Variants in TP63 observed in about 807,000 individuals in gnomAD.
TP63 encodes the protein tumor protein p63.
Under a neutral mutation model 82.8 loss-of-function variants are expected in TP63, and 17 were observed. The observed-to-expected ratio is 0.21, with a 90% CI of 0.14 to 0.31. The LOEUF (loss-of-function observed/expected upper bound fraction) is 0.31. Among genes scored for constraint, TP63 ranks in the 10% least tolerant of loss-of-function variants. The probability of loss-of-function intolerance (pLI) is 1.00; values close to 1 mark genes in which losing one functional copy is unlikely to be tolerated. For synonymous variants in TP63, 330 were observed against 321.7 expected, an observed-to-expected ratio of 1.03 and a Z score of -0.28; for missense variants, 648 against 895.3, an observed-to-expected ratio of 0.72 and a Z score of 3.52.
At chr3:189,726,160 A>G (rs892784355) in intron 1 of TP63, among the ~76,000 whole-genome samples, 1 of 152,106 alleles carries the variant, frequency 6.6e-6, no homozygotes, top group Admixed American at 6.5e-5. Flanking sequence ...ATAAACACGT[A>G]TCTTGTTCCT....
chr3:189,802,566 G>T (rs1004252412), intron 3 of TP63, among the ~76,000 whole-genome samples: 1 of 152,184 alleles, frequency 6.6e-6, no homozygotes, highest in Non-Finnish European at 1.5e-5. Flanking sequence ...ACAGACTTTG[G>T]ATTATGGTAA....
At chr3:189,724,264 A>T (rs1020260861) in intron 1 of TP63, among the ~76,000 whole-genome samples, 4 of 152,128 alleles carry the variant, frequency 2.6e-5, no homozygotes, top group African/African-American at 9.7e-5. Context: ...CTATAGTGTT[A>T]AAGTTTCCCT....
chr3:189,660,542 C>A (rs1294351616), intron 1 of TP63, among the ~76,000 whole-genome samples: 1 of 151,986 alleles, frequency 6.6e-6, no homozygotes, highest in African/African-American at 2.4e-5. Context: ...TTTGAATTTT[C>A]AGGCTCTTTT....
chr3:189,756,375 A>G (rs1332108055), intron 3 of TP63, among the ~76,000 whole-genome samples: 2 of 152,212 alleles, frequency 1.3e-5, no homozygotes, highest in Non-Finnish European at 2.9e-5. Flanking sequence ...CGGTGTCCCC[A>G]TAAGAGCAGA....
intron 3 of TP63, among the ~76,000 whole-genome samples, chr3:189,771,327 T>TATATAATATATTATATATTA (rs1553835381): frequency 7.6e-6 from 1 of 131,722 alleles, no homozygotes; most frequent in African/African-American, 3.2e-5. Context: ...TATATATTTA[T>TATATAATATATTATATATTA]ATATAATATA....
intron 11 of TP63, among the ~76,000 whole-genome samples, chr3:189,888,531 G>A (rs1431793666): frequency 1.3e-5 from 2 of 152,198 alleles, no homozygotes; most frequent in African/African-American, 4.8e-5. Flanking sequence ...TAGTTAGCTA[G>A]TTAGTGGCAA....
intron 4 of TP63, among the ~76,000 whole-genome samples, chr3:189,850,728 A>G (rs1451959501): frequency 6.6e-6 from 1 of 152,166 alleles, no homozygotes; most frequent in Non-Finnish European, 1.5e-5. Flanking sequence ...AAAGTATAAT[A>G]ATAATAAAAA....
intron 3 of TP63, among the ~76,000 whole-genome samples, chr3:189,807,013 G>A (rs940144137): frequency 1.3e-5 from 2 of 152,190 alleles, no homozygotes; most frequent in South Asian, 2.1e-4. Context: ...CATTTCAACT[G>A]AAGAGCTAGG....
intron 4 of TP63, among the ~76,000 whole-genome samples, chr3:189,814,855 C>T (rs114423791): frequency 0.016 from 2,428 of 152,304 alleles, 29 homozygotes; most frequent in Non-Finnish European, 0.025. Flanking sequence ...ATCAGCCTCC[C>T]ATACTATTTT....
intron 4 of TP63, among the ~76,000 whole-genome samples, chr3:189,823,105 C>T (rs1728965429): frequency 6.6e-6 from 1 of 152,150 alleles, no homozygotes; most frequent in Non-Finnish European, 1.5e-5. Context: ...CTTTTCTATG[C>T]CAGACCATTG....
At chr3:189,738,872 T>C (rs1720784387) in intron 3 of TP63, 98 bp downstream of exon 3, 2 of 1,540,412 alleles carry the variant, frequency 1.3e-6, no homozygotes, top group Admixed American at 3.8e-5. Flanking sequence ...CAGGTGGCTC[T>C]GAATGGCCAA....
At chr3:189,614,154 A>T in the TP63 span, among the ~76,000 whole-genome samples, 51 of 152,254 alleles carry the variant, frequency 3.3e-4, no homozygotes, top group Non-Finnish European at 4.0e-4. Context: ...TTCAAATCTC[A>T]ACTTGAATTG....
chr3:189,698,905 C>G (rs1717596719), intron 1 of TP63, among the ~76,000 whole-genome samples: 1 of 151,982 alleles, frequency 6.6e-6, no homozygotes, highest in African/African-American at 2.4e-5. Flanking sequence ...AGAATAGTAT[C>G]TATTATATTT....
chr3:189,666,554 A>C (rs1714406128), intron 1 of TP63, among the ~76,000 whole-genome samples: 1 of 152,124 alleles, frequency 6.6e-6, no homozygotes, highest in African/African-American at 2.4e-5. Flanking sequence ...TTATTCTAGC[A>C]AAAGGAGAGA....
chr3:189,758,821 C>A (rs1017009056), intron 3 of TP63, among the ~76,000 whole-genome samples: 1 of 152,274 alleles, frequency 6.6e-6, no homozygotes, highest in Middle Eastern at 3.4e-3. Flanking sequence ...TATGACTTGA[C>A]CATCATTTCC....
intron 1 of TP63, among the ~76,000 whole-genome samples, chr3:189,734,977 A>G (rs980639538): frequency 6.6e-6 from 1 of 152,058 alleles, no homozygotes. Flanking sequence ...TTTCTTTTGC[A>G]CACCCCCATT....
chr3:189,754,049 G>C (rs945549973), intron 3 of TP63, among the ~76,000 whole-genome samples: 12 of 152,044 alleles, frequency 7.9e-5, no homozygotes, highest in Non-Finnish European at 1.3e-4. Flanking sequence ...GAACTCAAGA[G>C]AAAAATAGCC....
At chr3:189,742,057 A>ATGCCAT (rs1721024978) in intron 3 of TP63, among the ~76,000 whole-genome samples, 1 of 151,628 alleles carries the variant, frequency 6.6e-6, no homozygotes, top group Non-Finnish European at 1.5e-5. Context: ...AGCCCGGCCA[A>ATGCCAT]CATGGTGGAT....
chr3:189,683,606 A>G (rs976848416), intron 1 of TP63, among the ~76,000 whole-genome samples: 1 of 152,214 alleles, frequency 6.6e-6, no homozygotes, highest in Non-Finnish European at 1.5e-5. Context: ...CAGCCAGTGA[A>G]TCAGTTCCAT....
Sources: allele counts gnomAD v4.1 joint callset (sites outside exome capture counted in the v4.1 genomes callset), GRCh38; gene constraint gnomAD v4.1.1; transcripts MANE v1.5; gene names NCBI Gene and HGNC (gene_info 2026-07-23, HGNC 2026-07-21).